Variants in CDH13 observed in about 807,000 individuals in gnomAD.
CDH13 encodes cadherin 13, also known as cadherin-13.
In CDH13, 24 loss-of-function variants were observed where a neutral mutation model predicts 63.8. The ratio of observed to expected loss-of-function variants is 0.38; its 90% CI spans 0.27 to 0.53. CDH13 has a LOEUF of 0.53. Among genes scored for constraint, CDH13 ranks in the 20% least tolerant of loss-of-function variants. The pLI is 0.85. For missense variants in CDH13, 1,049 were observed against 903.1 expected (o/e 1.16, Z -2.07); for synonymous variants, 503 against 355.3 (o/e 1.42, Z -4.67).
chr16:82,640,695 G>C (rs1357466895), intron 1 of CDH13, among the ~76,000 whole-genome samples: 2 of 152,178 alleles, frequency 1.3e-5, no homozygotes, highest in Admixed American at 1.3e-4. Flanking sequence ...GGGGAACCAG[G>C]CATTCTCTTT....
chr16:83,672,025 C>G (rs1914541397), intron 9 of CDH13, among the ~76,000 whole-genome samples: 1 of 152,138 alleles, frequency 6.6e-6, no homozygotes, highest in South Asian at 2.1e-4. Flanking sequence ...AAGCCATTTG[C>G]CTGAGCAGCA....
At chr16:82,656,729 A>G (rs949090798) in intron 1 of CDH13, among the ~76,000 whole-genome samples, 7 of 152,112 alleles carry the variant, frequency 4.6e-5, no homozygotes, top group African/African-American at 1.7e-4. Flanking sequence ...TGCTCTGCCT[A>G]TTTGCCTACC....
intron 10 of CDH13, among the ~76,000 whole-genome samples, chr16:83,692,102 A>T (rs1904957933): frequency 6.6e-6 from 1 of 152,074 alleles, no homozygotes; most frequent in Non-Finnish European, 1.5e-5. Flanking sequence ...CCCAAACCAA[A>T]CTGAAGCCAG....
chr16:82,815,771 G>A (rs2037675987), intron 1 of CDH13, among the ~76,000 whole-genome samples: 1 of 152,102 alleles, frequency 6.6e-6, no homozygotes, highest in African/African-American at 2.4e-5. Flanking sequence ...CCATTATACT[G>A]TGAGGTCTCA....
At chr16:82,983,823 G>T (rs113527078) in intron 2 of CDH13, among the ~76,000 whole-genome samples, 12 of 152,324 alleles carry the variant, frequency 7.9e-5, no homozygotes, top group African/African-American at 2.9e-4. Flanking sequence ...CAGCACCTGG[G>T]ACTGACTGTA....
At chr16:83,035,445 G>C (rs563111255) in intron 3 of CDH13, among the ~76,000 whole-genome samples, 1 of 152,314 alleles carries the variant, frequency 6.6e-6, no homozygotes, top group African/African-American at 2.4e-5. Context: ...GCTGACTCAC[G>C]TAACCTCCTT....
chr16:83,131,182 A>ACCCCCCC lies in CDH13; in HGVS notation c.483+5694_483+5700dup, dbSNP rs1173636265. 2.6e-3 allele frequency among the ~76,000 whole-genome samples: 225 copies of ACCCCCCC among 86,344 alleles called. 33 individuals carry two copies. Among genetic ancestry groups the ACCCCCCC allele is most frequent in the African/African-American group, 7.6e-3 (108 of 14,144 alleles). 56.6% of individuals were successfully genotyped at this position (86,344 alleles called of 152,430 possible). ...GGTGGGGAGTATAAGGGGGTGTATG[A>ACCCCCCC]CCCCCCCCCCCCCCCCCCCGCCCAC... On this transcript the variant is annotated intron_variant, in intron 4 of 13. Coordinates refer to ENST00000567109, the MANE Select transcript of CDH13 (RefSeq NM_001257.5).
At chr16:83,283,962 GAATA>G (rs1354379274) in intron 5 of CDH13, among the ~76,000 whole-genome samples, 1 of 152,092 alleles carries the variant, frequency 6.6e-6, no homozygotes, top group Non-Finnish European at 1.5e-5. Flanking sequence ...AAAAACTGTT[GAATA>G]AATAAATGAA....
At chr16:82,843,312 A>C (rs1057012557) in intron 1 of CDH13, among the ~76,000 whole-genome samples, 12 of 152,362 alleles carry the variant, frequency 7.9e-5, no homozygotes, top group African/African-American at 2.9e-4. Flanking sequence ...TTCAGAATAC[A>C]TCCAATTGGC....
intron 1 of CDH13, among the ~76,000 whole-genome samples, chr16:82,753,643 C>G (rs2034505156): frequency 1.3e-5 from 2 of 152,210 alleles, no homozygotes; most frequent in African/African-American, 4.8e-5. Context: ...GACTTTGATT[C>G]TAGTGCCAAA....
chr16:83,065,793 C>G (rs1181044477), intron 3 of CDH13, among the ~76,000 whole-genome samples: 4 of 151,768 alleles, frequency 2.6e-5, no homozygotes, highest in Non-Finnish European at 5.9e-5. Context: ...GTTTCCTGCA[C>G]TCTCTTCCTA....
At chr16:83,710,002 G>C (rs1383696075) in intron 10 of CDH13, among the ~76,000 whole-genome samples, 1 of 152,196 alleles carries the variant, frequency 6.6e-6, no homozygotes, top group Non-Finnish European at 1.5e-5. Flanking sequence ...TTAGATGATT[G>C]AATTATACTA....
chr16:83,010,775 C>T (rs1004744791), intron 2 of CDH13, among the ~76,000 whole-genome samples: 3 of 152,146 alleles, frequency 2.0e-5, no homozygotes, highest in African/African-American at 7.2e-5. Flanking sequence ...TGATTAGAAA[C>T]ATCCTGCGGG....
intron 10 of CDH13, among the ~76,000 whole-genome samples, chr16:83,740,814 C>A (rs1303733408): frequency 6.6e-6 from 1 of 152,218 alleles, no homozygotes; most frequent in Non-Finnish European, 1.5e-5. Context: ...CCAAGAGGCC[C>A]TGCCCAGGCC....
At chr16:83,323,150 C>A (rs1044302017) in intron 5 of CDH13, among the ~76,000 whole-genome samples, 59 of 86,122 alleles carry the variant, frequency 6.9e-4, no homozygotes, top group African/African-American at 2.5e-3. Flanking sequence ...GACCTCCCTA[C>A]TTCTTTCTTT....
intron 2 of CDH13, among the ~76,000 whole-genome samples, chr16:82,953,050 A>G (rs532107979): frequency 6.6e-6 from 1 of 152,290 alleles, no homozygotes; most frequent in African/African-American, 2.4e-5. Flanking sequence ...AGAATTAGAT[A>G]TCCTCTTTGC....
intron 6 of CDH13, among the ~76,000 whole-genome samples, chr16:83,360,321 G>T (rs2091137753): frequency 6.6e-6 from 1 of 152,168 alleles, no homozygotes; most frequent in Non-Finnish European, 1.5e-5. Context: ...TTGCAGTTTT[G>T]TTATGAGAAT....
chr16:83,718,419 G>C (rs1313659150), intron 10 of CDH13, among the ~76,000 whole-genome samples: 1 of 152,224 alleles, frequency 6.6e-6, no homozygotes, highest in Non-Finnish European at 1.5e-5. Context: ...ACTCAAGAAA[G>C]GTGAGTGTGA....
intron 1 of CDH13, among the ~76,000 whole-genome samples, chr16:82,684,542 C>G (rs1156633484): frequency 6.6e-6 from 1 of 152,120 alleles, no homozygotes; most frequent in African/African-American, 2.4e-5. Context: ...GACTCACCAT[C>G]TCAGCTTAAT....
Sources: allele counts gnomAD v4.1 joint callset (sites outside exome capture counted in the v4.1 genomes callset), GRCh38; gene constraint gnomAD v4.1.1; transcripts MANE v1.5; gene names NCBI Gene and HGNC (gene_info 2026-07-23, HGNC 2026-07-21).